Variants in CLMN observed in about 807,000 individuals in gnomAD.
CLMN encodes calmin (calponin-like, transmembrane).
CLMN carries 57 observed loss-of-function variants against 92.7 expected under a neutral mutation model. The ratio of observed to expected loss-of-function variants is 0.61; its 90% CI spans 0.50 to 0.77. The LOEUF (loss-of-function observed/expected upper bound fraction) is 0.77, where lower values mean the gene tolerates loss of function less well. Among genes scored for constraint, CLMN ranks in the 30% least tolerant of loss-of-function variants. The pLI, the probability that CLMN is intolerant of heterozygous loss-of-function variation, is 0.00. For synonymous variants in CLMN, 466 were observed against 470.6 expected, an observed-to-expected ratio of 0.99 and a Z score of 0.13; for missense variants, 1,158 against 1,237.5, an observed-to-expected ratio of 0.94 and a Z score of 0.96.
chr14:95,255,313 T>C (rs556543790), intron 1 of CLMN, among the ~76,000 whole-genome samples: 1 of 152,344 alleles, frequency 6.6e-6, no homozygotes, highest in South Asian at 2.1e-4. Context: ...CTTCAGTTGC[T>C]AGCAGTCATC....
Position 95,203,549 on chromosome 14 carries a change from A to T in CLMN, c.1800T>A (p.Asn600Lys). The change falls in exon 9 of 13, where the codon AAT (asparagine) becomes AAA (lysine). Residue 600 changes from asparagine (N) to lysine (K), a missense_variant. Coordinates refer to ENST00000298912, the MANE Select transcript of CLMN (RefSeq NM_024734.4). ...KPDEDAEAFENHAEKLGKRSI... is the reference protein window; with the variant it reads ...KPDEDAEAFEKHAEKLGKRSI... ...TCCTTTTACCTAGTTTTTCAGCATG[A>T]TTCTCAAAAGCCTCAGCATCCTCGT... is the stretch of plus-strand genomic sequence containing the variant. The T allele has an allele frequency of 6.2e-7, 1 of 1,614,144 alleles. No individual in the cohort carries two copies. The highest frequency in any genetic ancestry group is 8.5e-7 in the Non-Finnish European group (1 of 1,180,032).
intron 1 of CLMN, among the ~76,000 whole-genome samples, chr14:95,244,333 G>C (rs1898377293): frequency 6.6e-6 from 1 of 152,150 alleles, no homozygotes; most frequent in African/African-American, 2.4e-5. Context: ...CCACAGTTGG[G>C]CAGCTCTAGT....
intron 1 of CLMN, among the ~76,000 whole-genome samples, chr14:95,277,547 AG>A (rs111557513): frequency 0.098 from 14,936 of 152,314 alleles, 803 homozygotes; most frequent in African/African-American, 0.14. Context: ...TGATTGCTCT[AG>A]GCTCCTTCTG....
chr14:95,231,836 A>T lies in CLMN; in HGVS notation c.83-1703T>A, dbSNP rs552643665. On this transcript the variant is annotated intron_variant, in intron 1 of 12. Transcript: ENST00000298912. ...GCAATAGTCATAACAGTGATTTTTA[A>T]AAAAAAGTACCAAGCACTTGCTATA... 8.3e-4 allele frequency among the ~76,000 whole-genome samples: 126 copies of T among 152,248 alleles called. 1 individual carries two copies. The South Asian group carries it at 0.015, about 18-fold the overall frequency.
At chr14:95,304,222 G>A (rs578252153) in intron 1 of CLMN, among the ~76,000 whole-genome samples, 3 of 152,270 alleles carry the variant, frequency 2.0e-5, no homozygotes, top group African/African-American at 7.2e-5. Context: ...TGTGGTCCCA[G>A]CTACTTGGGA....
chr14:95,213,112 A>C, intron 6 of CLMN, 107 bp downstream of exon 6: 1 of 1,212,652 alleles, frequency 8.2e-7, no homozygotes. Flanking sequence ...TATATGAAGC[A>C]ATGGGCACAT....
chr14:95,226,672 C>T (rs1420042491), intron 2 of CLMN, among the ~76,000 whole-genome samples: 4 of 152,064 alleles, frequency 2.6e-5, no homozygotes, highest in African/African-American at 7.3e-5. Flanking sequence ...AAACCCTTAG[C>T]TCAAGTGATC....
chr14:95,262,784 C>T (rs976198015), intron 1 of CLMN, among the ~76,000 whole-genome samples: 3 of 152,156 alleles, frequency 2.0e-5, no homozygotes, highest in African/African-American at 7.2e-5. Flanking sequence ...CCAGTCTGGT[C>T]TCAAACTCCT....
rs1896657026 is a variant in CLMN, at chr14:95,194,794, G to A, written c.2709-198C>T. On this transcript the variant is annotated intron_variant, in intron 10 of 12. Coordinates refer to ENST00000298912, the MANE Select transcript of CLMN (RefSeq NM_024734.4). This position sits in a 1 kb window ranked among gnomAD's most constrained non-coding sequence, Gnocchi z 4.0. ...GTGCTTACAAATAGGATGGATATTA[G>A]TGATACACACATTGGGCCCTCATCT... 6.6e-6 allele frequency among the ~76,000 whole-genome samples: 1 copy of A among 152,216 alleles called. No individual in the cohort carries two copies. The highest frequency in any genetic ancestry group is 2.4e-5 in the African/African-American group (1 of 41,450).
intron 2 of CLMN, among the ~76,000 whole-genome samples, chr14:95,226,939 T>C (rs1214038796): frequency 1.3e-5 from 2 of 152,202 alleles, no homozygotes; most frequent in African/African-American, 2.4e-5. Flanking sequence ...CTTTTTGTAC[T>C]GGGGGCTTTG....
In CLMN at chr14:95,279,975, T is replaced by G. The variant is rs144927911; in HGVS notation, c.82+39736A>C. The stretch of plus-strand genomic sequence containing the variant: ...TAAGGCATCAGAATATGTTGTTGTT[T>G]TTTTTTTTTGCCTAGTATAAAGGGT... On this transcript the variant is annotated intron_variant, in intron 1 of 12. Transcript: ENST00000298912. Among the ~76,000 whole-genome samples the G allele has an allele frequency of 4.6e-3, 688 of 150,508 alleles. 8 individuals carry two copies. The highest frequency in any genetic ancestry group is 0.022 in the East Asian group (112 of 5,174).
chr14:95,251,475 G>A (rs1245331896), intron 1 of CLMN, among the ~76,000 whole-genome samples: 2 of 152,168 alleles, frequency 1.3e-5, no homozygotes, highest in African/African-American at 4.8e-5. Flanking sequence ...GTTACAGAAC[G>A]AGGACGACCT....
In CLMN at chr14:95,210,627, C is replaced by A. The variant is rs1351611605; in HGVS notation, c.802+59G>T. 5 of 1,536,080 alleles carry A rather than the reference C, an allele frequency of 3.3e-6. No individual in the cohort carries two copies. The African/African-American group carries it at 7.0e-5, about 22-fold the overall frequency. ...TATTTTCCAGATTTTCCACATGGGACAGCAAGTGGTACATTTGTAAAAAAA... is the reference window on the plus strand; with the variant it reads ...TATTTTCCAGATTTTCCACATGGGAAAGCAAGTGGTACATTTGTAAAAAAA... On this transcript the variant is annotated intron_variant, in intron 7 of 12. Coordinates refer to ENST00000298912, the MANE Select transcript of CLMN (RefSeq NM_024734.4).
At chr14:95,252,826 C>T (rs1283637886) in intron 1 of CLMN, among the ~76,000 whole-genome samples, 1 of 152,158 alleles carries the variant, frequency 6.6e-6, no homozygotes, top group Admixed American at 6.5e-5. Context: ...ACGTGTGATG[C>T]CGGGAGGGTA....
Position 95,213,424 on chromosome 14 carries a change from G to C in CLMN, c.418-15C>G. 1 of 1,593,408 alleles carries C rather than the reference G, an allele frequency of 6.3e-7. No individual in the cohort carries two copies. The highest frequency in any genetic ancestry group is 8.5e-7 in the Non-Finnish European group (1 of 1,171,170). ...AGCTCCTTAATCTGGAAGGAAAATG[G>C]CATTTCAGACCCCAGCAACAGACCC... is the stretch of plus-strand genomic sequence containing the variant. On this transcript the variant is annotated splice_polypyrimidine_tract_variant and intron_variant, in intron 5 of 12. Transcript: ENST00000298912.
In CLMN at chr14:95,294,508, C is replaced by T. The variant is rs1044381897; in HGVS notation, c.82+25203G>A. On this transcript the variant is annotated intron_variant, in intron 1 of 12. Coordinates refer to ENST00000298912, the MANE Select transcript of CLMN (RefSeq NM_024734.4). The surrounding 1 kb of genome is among the most constrained non-coding windows in gnomAD (Gnocchi z 4.2). ...CCAACAGAAAGGCCCTGGAGACAGA[C>T]CTGCATCCACATTCCGGCTCCCCCT... 6.6e-6 allele frequency among the ~76,000 whole-genome samples: 1 copy of T among 152,162 alleles called. No homozygotes were observed. Among genetic ancestry groups the T allele is most frequent in the Non-Finnish European group, 1.5e-5 (1 of 68,022 alleles).
At chr14:95,240,211 A>T (rs1201598235) in intron 1 of CLMN, among the ~76,000 whole-genome samples, 1 of 152,216 alleles carries the variant, frequency 6.6e-6, no homozygotes, top group African/African-American at 2.4e-5. Context: ...CTGCACAGAG[A>T]AATGTTCATA....
In CLMN at chr14:95,223,544, GCATTTATT is replaced by G. The variant is rs1245310018; in HGVS notation, c.240+208_240+215del. Among the ~76,000 whole-genome samples, 12 of 151,948 alleles carry G rather than the reference GCATTTATT, an allele frequency of 7.9e-5. No individual in the cohort carries two copies. In the South Asian group the frequency reaches 1.9e-3, roughly 24 times the overall value. Reference sequence around the variant, plus strand: ...TTAACAGACTCAAAGAAAACACTGGGCATTTATTCATTTATTTTCTAAAATACATTGGC... The same window carrying G: ...TTAACAGACTCAAAGAAAACACTGGGCATTTATTTTCTAAAATACATTGGC... On this transcript the variant is annotated intron_variant, in intron 3 of 12. Coordinates refer to ENST00000298912, the MANE Select transcript of CLMN (RefSeq NM_024734.4).
chr14:95,250,577 A>G (rs1566894525), intron 1 of CLMN, among the ~76,000 whole-genome samples: 2 of 152,218 alleles, frequency 1.3e-5, no homozygotes, highest in Admixed American at 6.5e-5. Flanking sequence ...ATGTTGCCCC[A>G]CATGTAACTT....
Sources: gnomAD v4.1 joint callset for allele counts (sites outside exome capture counted in the v4.1 genomes callset) on GRCh38, gnomAD v4.1.1 for gene constraint, Gnocchi (gnomAD v3.1) non-coding constraint, MANE v1.5 for transcripts, NCBI Gene and HGNC (gene_info 2026-07-23, HGNC 2026-07-21) for gene names.